Variants in GALNT13 observed in about 807,000 individuals in gnomAD.
GALNT13 encodes the protein UDP-GalNAc:polypeptide N-acetylgalactosaminyltransferase 13.
Under a neutral mutation model 64.2 loss-of-function variants are expected in GALNT13, and 28 were observed. That is an observed-to-expected ratio of 0.44 (90% CI 0.32 to 0.60). The LOEUF (loss-of-function observed/expected upper bound fraction) is 0.60, where lower values mean the gene tolerates loss of function less well. GALNT13 is among the 20% of genes least tolerant of loss of function. The pLI, the probability that GALNT13 is intolerant of heterozygous loss-of-function variation, is 0.05. For synonymous variants in GALNT13, 214 were observed against 224.6 expected, an observed-to-expected ratio of 0.95 and a Z score of 0.42; for missense variants, 577 against 669.8, an observed-to-expected ratio of 0.86 and a Z score of 1.53.
chr2:153,641,085 G>A, the GALNT13 span, among the ~76,000 whole-genome samples: 1 of 152,196 alleles, frequency 6.6e-6, no homozygotes, highest in Non-Finnish European at 1.5e-5. Flanking sequence ...ATCTTTTCTT[G>A]TATCTAACCT....
chr2:153,231,270 T>C, the GALNT13 span, among the ~76,000 whole-genome samples: 1 of 152,176 alleles, frequency 6.6e-6, no homozygotes, highest in African/African-American at 2.4e-5. Context: ...TTGAACTCAG[T>C]TTAAAAAATA....
the GALNT13 span, among the ~76,000 whole-genome samples, chr2:153,344,480 G>GGTT: frequency 2.6e-5 from 4 of 152,146 alleles, no homozygotes; most frequent in Non-Finnish European, 5.9e-5. Context: ...GTGATGCTGG[G>GGTT]GTTGTTGTTG....
chr2:153,679,326 C>T, the GALNT13 span, among the ~76,000 whole-genome samples: 1 of 151,954 alleles, frequency 6.6e-6, no homozygotes, highest in African/African-American at 2.4e-5. Context: ...TCTGATCAAA[C>T]CATGACTGAT....
chr2:153,417,308 A>G, the GALNT13 span, among the ~76,000 whole-genome samples: 2 of 152,208 alleles, frequency 1.3e-5, no homozygotes, highest in Non-Finnish European at 2.9e-5. Context: ...CAGATGATGT[A>G]GGGCCTTGCA....
the GALNT13 span, among the ~76,000 whole-genome samples, chr2:153,192,427 T>C: frequency 6.6e-6 from 1 of 152,156 alleles, no homozygotes; most frequent in African/African-American, 2.4e-5. Flanking sequence ...AAAAATTTAT[T>C]GAGACATGTT....
At chr2:154,101,930 T>A (rs1430010838) in intron 3 of GALNT13, among the ~76,000 whole-genome samples, 1 of 152,150 alleles carries the variant, frequency 6.6e-6, no homozygotes, top group Non-Finnish European at 1.5e-5. Context: ...GTTGTTTAGG[T>A]TCTGTGTACT....
intron 3 of GALNT13, among the ~76,000 whole-genome samples, chr2:154,081,678 T>A (rs1454120257): frequency 6.6e-6 from 1 of 151,784 alleles, no homozygotes; most frequent in Non-Finnish European, 1.5e-5. Flanking sequence ...CCCATACTAC[T>A]GAGGAAATTC....
intron 4 of GALNT13, among the ~76,000 whole-genome samples, chr2:154,209,008 T>G (rs1573879866): frequency 6.6e-6 from 1 of 152,132 alleles, no homozygotes; most frequent in East Asian, 1.9e-4. Flanking sequence ...TGTATGGCTT[T>G]ATAAACATTG....
intron 3 of GALNT13, among the ~76,000 whole-genome samples, chr2:153,991,465 A>T (rs1485852876): frequency 1.3e-5 from 2 of 152,170 alleles, no homozygotes; most frequent in African/African-American, 4.8e-5. Context: ...CACTGTCCAG[A>T]GGTTCCAGTG....
intron 10 of GALNT13, among the ~76,000 whole-genome samples, chr2:154,401,243 A>G (rs1332950450): frequency 1.3e-5 from 2 of 152,168 alleles, no homozygotes; most frequent in African/African-American, 4.8e-5. Flanking sequence ...GCTAGGCTGC[A>G]GAGATTAAGG....
chr2:153,139,078 G>A, the GALNT13 span, among the ~76,000 whole-genome samples: 5 of 152,034 alleles, frequency 3.3e-5, no homozygotes, highest in African/African-American at 9.7e-5. Context: ...CAGAAGGCAT[G>A]TGACATCATT....
the GALNT13 span, among the ~76,000 whole-genome samples, chr2:153,534,527 T>TTTC: frequency 1.9e-4 from 28 of 144,892 alleles, no homozygotes; most frequent in African/African-American, 6.3e-4. Context: ...TCTTTCTTTC[T>TTTC]TTTTTTTTTT....
At chr2:154,093,851 C>G (rs1206972356) in intron 3 of GALNT13, among the ~76,000 whole-genome samples, 1 of 151,520 alleles carries the variant, frequency 6.6e-6, no homozygotes, top group African/African-American at 2.4e-5. Context: ...TAATCTTGCT[C>G]TAAGTATATT....
chr2:153,425,182 G>T, the GALNT13 span, among the ~76,000 whole-genome samples: 3 of 151,724 alleles, frequency 2.0e-5, no homozygotes, highest in Non-Finnish European at 4.4e-5. Context: ...GAAGAGGTAG[G>T]AGCAGGAAGG....
At chr2:153,284,822 C>A in the GALNT13 span, among the ~76,000 whole-genome samples, 1 of 152,046 alleles carries the variant, frequency 6.6e-6, no homozygotes, top group Non-Finnish European at 1.5e-5. Context: ...CAGAACTGAT[C>A]TATTTCCAAG....
intron 3 of GALNT13, among the ~76,000 whole-genome samples, chr2:154,097,968 G>A (rs1010119020): frequency 6.6e-6 from 1 of 151,310 alleles, no homozygotes; most frequent in African/African-American, 2.4e-5. Context: ...CTGGTGCTCA[G>A]AGGGAGTCAC....
chr2:154,353,605 A>G (rs550517956), intron 9 of GALNT13, among the ~76,000 whole-genome samples: 86 of 152,116 alleles, frequency 5.7e-4, no homozygotes, highest in African/African-American at 2.0e-3. Context: ...TTAGCCCTAG[A>G]TTTTTTCTGC....
At chr2:154,150,721 G>C (rs745639216) in intron 4 of GALNT13, among the ~76,000 whole-genome samples, 2 of 152,172 alleles carry the variant, frequency 1.3e-5, no homozygotes, top group Non-Finnish European at 2.9e-5. Flanking sequence ...TTGCATAGAG[G>C]TGTTTGTAGT....
At chr2:153,566,861 G>T in the GALNT13 span, among the ~76,000 whole-genome samples, 1 of 152,040 alleles carries the variant, frequency 6.6e-6, no homozygotes. Flanking sequence ...TACTTTTTAT[G>T]TTATGTGTTG....
Sources: gnomAD v4.1 joint callset for allele counts (sites outside exome capture counted in the v4.1 genomes callset) on GRCh38, gnomAD v4.1.1 for gene constraint, MANE v1.5 for transcripts, NCBI Gene and HGNC (gene_info 2026-07-23, HGNC 2026-07-21) for gene names.